SLC20A2: variants seen among roughly 807,000 people sequenced by gnomAD.
SLC20A2 encodes solute carrier family 20 member 2.
SLC20A2 carries 30 observed loss-of-function variants against 61.0 expected under a neutral mutation model. That is an observed-to-expected ratio of 0.49 (90% CI 0.37 to 0.67). The LOEUF (loss-of-function observed/expected upper bound fraction) is 0.67. Among genes scored for constraint, SLC20A2 ranks in the 30% least tolerant of loss-of-function variants. The pLI, the probability that SLC20A2 is intolerant of heterozygous loss-of-function variation, is 0.00. For synonymous variants in SLC20A2, 351 were observed against 353.3 expected (o/e 0.99, Z 0.07); for missense variants, 626 against 866.4 (o/e 0.72, Z 3.48).
intron 1 of SLC20A2, among the ~76,000 whole-genome samples, chr8:42,490,364 G>A (rs759685004): frequency 2.6e-5 from 4 of 152,274 alleles, no homozygotes; most frequent in East Asian, 3.9e-4. Context: ...TTGAGAGGCC[G>A]AGGCGGGTGG....
chr8:42,463,118 A>G (rs1806845998), intron 3 of SLC20A2, 28 bp from the exon 4 acceptor site: 1 of 1,313,038 alleles, frequency 7.6e-7, no homozygotes, highest in African/African-American at 1.5e-5. Flanking sequence ...AAATCTAATG[A>G]ATGTTAAAAT....
chr8:42,492,484 T>C (rs1320222391), intron 1 of SLC20A2, among the ~76,000 whole-genome samples: 3 of 152,128 alleles, frequency 2.0e-5, no homozygotes, highest in African/African-American at 7.2e-5. Flanking sequence ...CACGAGATGA[T>C]GAAGAAAGGA....
At chr8:42,461,230 G>C (rs978236291) in intron 4 of SLC20A2, among the ~76,000 whole-genome samples, 2 of 152,138 alleles carry the variant, frequency 1.3e-5, no homozygotes, top group Non-Finnish European at 2.9e-5. Flanking sequence ...CCTGGCATGA[G>C]TGACACAGCC....
At chr8:42,434,680 G>A (rs555086012) in intron 8 of SLC20A2, among the ~76,000 whole-genome samples, 9 of 152,270 alleles carry the variant, frequency 5.9e-5, no homozygotes, top group East Asian at 1.9e-4. Flanking sequence ...GCTCAACCTC[G>A]TGCTGAATGC....
intron 1 of SLC20A2, among the ~76,000 whole-genome samples, chr8:42,516,037 C>A (rs1341786308): frequency 2.6e-5 from 4 of 152,074 alleles, no homozygotes; most frequent in South Asian, 2.1e-4. Context: ...CTTCCTGAAG[C>A]CATAGCGAGG....
chr8:42,493,603 A>C (rs1809686800), intron 1 of SLC20A2, among the ~76,000 whole-genome samples: 1 of 152,210 alleles, frequency 6.6e-6, no homozygotes. Context: ...TAAAGTCCCC[A>C]GCTTGCTGCC....
At chr8:42,484,743 A>G (rs997785706) in intron 1 of SLC20A2, 160 of 355,552 alleles carry the variant, frequency 4.5e-4, no homozygotes, top group Non-Finnish European at 6.6e-4. Context: ...GATCCAAGAG[A>G]GCCTGACTTG....
At chr8:42,515,706 C>T (rs1451717982) in intron 1 of SLC20A2, among the ~76,000 whole-genome samples, 1 of 152,112 alleles carries the variant, frequency 6.6e-6, no homozygotes, top group East Asian at 1.9e-4. Flanking sequence ...TGACTGTAAC[C>T]CCCACCCCAA....
chr8:42,457,048 C>G (rs954968586), intron 5 of SLC20A2, among the ~76,000 whole-genome samples: 1 of 151,810 alleles, frequency 6.6e-6, no homozygotes, highest in Non-Finnish European at 1.5e-5. Flanking sequence ...CTCAGCCTCC[C>G]GGGTAGCTGG....
intron 1 of SLC20A2, among the ~76,000 whole-genome samples, chr8:42,480,970 A>G (rs1808512749): frequency 6.6e-6 from 1 of 151,960 alleles, no homozygotes; most frequent in African/African-American, 2.4e-5. Context: ...CCTATATTCA[A>G]TTTATATTCC....
intron 1 of SLC20A2, among the ~76,000 whole-genome samples, chr8:42,497,352 CCAGAATCACTTGGGAGATTT>C (rs1269040398): frequency 8.5e-5 from 13 of 152,182 alleles, no homozygotes; most frequent in Non-Finnish European, 1.8e-4. Context: ...TCAACGTGCA[CCAGAATCACTTGGGAGATTT>C]TTTAAACACA....
chr8:42,437,483 C>A lies in SLC20A2; in HGVS notation c.1029G>T (p.Val343=), dbSNP rs200204025. 8 of 1,614,114 alleles carry A rather than the reference C, an allele frequency of 5.0e-6. No homozygotes were observed. Among genetic ancestry groups the A allele is most frequent in the Non-Finnish European group, 6.8e-6 (8 of 1,180,020 alleles). The change falls in exon 8 of 11, where the codon GTG becomes GTT. Residue 343 remains valine, a synonymous_variant. Coordinates refer to ENST00000520262, the MANE Select transcript of SLC20A2 (RefSeq NM_001257180.2). This position sits in a 1 kb window ranked among gnomAD's most constrained non-coding sequence, Gnocchi z 6.4. ...CCGAGTCTTTGTGCACGGTGTGGTA[C>A]ACATGACCGTCGCTCCTGGTGTGGC... The part of the protein sequence containing the change: ...FDGHTRSDGH[V]YHTVHKDSGL...
At chr8:42,445,161 G>A (rs560053134) in intron 5 of SLC20A2, among the ~76,000 whole-genome samples, 75 of 151,956 alleles carry the variant, frequency 4.9e-4, no homozygotes, top group East Asian at 3.1e-3. Context: ...GCGTGGTGGC[G>A]CATGCCTGTA....
chr8:42,490,963 TTTTGC>T (rs1243484662), intron 1 of SLC20A2, among the ~76,000 whole-genome samples: 1 of 152,156 alleles, frequency 6.6e-6, no homozygotes, highest in African/African-American at 2.4e-5. Context: ...TCTCTCTTAC[TTTTGC>T]TTTTAGTCTT....
chr8:42,500,635 A>C (rs998962963), intron 1 of SLC20A2, among the ~76,000 whole-genome samples: 1 of 152,244 alleles, frequency 6.6e-6, no homozygotes, highest in Admixed American at 6.5e-5. Flanking sequence ...CTTGTAGCAC[A>C]GAGTATAACA....
chr8:42,462,973 A>C (rs747627032), intron 4 of SLC20A2, 32 bp downstream of exon 4: 31 of 1,367,958 alleles, frequency 2.3e-5, no homozygotes, highest in Non-Finnish European at 3.2e-5. Context: ...AATAGTTCTT[A>C]AGATTTAATT....
chr8:42,530,972 G>A (rs192672970), intron 1 of SLC20A2, among the ~76,000 whole-genome samples: 40 of 152,200 alleles, frequency 2.6e-4, no homozygotes, highest in Admixed American at 1.9e-3. Context: ...TGCCCGCCTC[G>A]GCCTCCCAAA....
intron 1 of SLC20A2, among the ~76,000 whole-genome samples, chr8:42,488,251 T>C (rs1809204142): frequency 1.4e-5 from 2 of 144,508 alleles, no homozygotes; most frequent in Non-Finnish European, 3.0e-5. Context: ...AGCGGCTCGA[T>C]CTCTGCTCAC....
chr8:42,433,393 G>A (rs1028213464), intron 8 of SLC20A2, among the ~76,000 whole-genome samples: 5 of 151,818 alleles, frequency 3.3e-5, no homozygotes, highest in Admixed American at 6.6e-5. Flanking sequence ...ACATGATCTC[G>A]GCTCACTGCA....
Sources: gnomAD v4.1 joint callset for allele counts (sites outside exome capture counted in the v4.1 genomes callset) on GRCh38, gnomAD v4.1.1 for gene constraint, Gnocchi (gnomAD v3.1) non-coding constraint, MANE v1.5 for transcripts, NCBI Gene and HGNC (gene_info 2026-07-23, HGNC 2026-07-21) for gene names.